Variants in MTG2 observed in about 807,000 individuals in gnomAD.
MTG2 encodes mitochondrial ribosome associated GTPase 2, also known as mitochondrial ribosome-associated GTPase 2.
In MTG2, 23 loss-of-function variants were observed where a neutral mutation model predicts 28.6. The observed-to-expected ratio is 0.80, with a 90% CI of 0.58 to 1.14. The LOEUF is 1.14. MTG2 is among the 50% of genes most tolerant of loss of function. The pLI is 0.00. For missense variants in MTG2, 539 were observed against 552.0 expected (o/e 0.98, Z 0.24); for synonymous variants, 260 against 251.8 (o/e 1.03, Z -0.31).
At chr20:62,183,977 G>A (rs1262584075) in intron 1 of MTG2, among the ~76,000 whole-genome samples, 1 of 152,220 alleles carries the variant, frequency 6.6e-6, no homozygotes, top group African/African-American at 2.4e-5. Context: ...GGAGGCCAGA[G>A]GATACTATGT....
chr20:62,193,982 G>A (rs1199153705), intron 2 of MTG2: 2 of 184,974 alleles, frequency 1.1e-5, no homozygotes, highest in African/African-American at 4.8e-5. Context: ...GCTCATGCCT[G>A]TTATCCCAAC....
chr20:62,188,544 G>A (rs2057894891), intron 1 of MTG2, among the ~76,000 whole-genome samples: 1 of 121,240 alleles, frequency 8.2e-6, no homozygotes, highest in Non-Finnish European at 1.7e-5. Context: ...GTAGACACAA[G>A]GTCTCGCTAT....
chr20:62,185,172 G>A (rs913352686), intron 1 of MTG2, among the ~76,000 whole-genome samples: 2 of 152,018 alleles, frequency 1.3e-5, no homozygotes, highest in Non-Finnish European at 1.5e-5. Flanking sequence ...CCAGCAATTT[G>A]GGAGGCTGAG....
In MTG2 at chr20:62,193,516, C is replaced by T. The variant is rs778910109; in HGVS notation, c.96C>T (p.Ser32=). 5 of 1,614,048 alleles carry T rather than the reference C, an allele frequency of 3.1e-6. No individual in the cohort carries two copies. The Admixed American group carries it at 8.3e-5, about 27-fold the overall frequency. Residue 32 remains serine (S), a synonymous_variant, in exon 2 of 7, where the codon AGC becomes AGT. Coordinates refer to ENST00000370823, the MANE Select transcript of MTG2 (RefSeq NM_015666.4). ...ALSTWAGLKP[S]RLLPQRASPR... ...CCACATGGGCTGGCCTGAAGCCCAG[C>T]CGGCTACTGCCACAGCGGGCTTCTC... is the stretch of plus-strand genomic sequence containing the variant.
At chr20:62,189,749 T>G (rs1373830118) in intron 1 of MTG2, among the ~76,000 whole-genome samples, 1 of 143,112 alleles carries the variant, frequency 7.0e-6, no homozygotes, top group Admixed American at 7.3e-5. Context: ...CACTGCAACC[T>G]CCGCCTCCCC....
chr20:62,192,035 TG>T (rs2057970723), intron 1 of MTG2, among the ~76,000 whole-genome samples: 1 of 152,154 alleles, frequency 6.6e-6, no homozygotes, highest in Non-Finnish European at 1.5e-5. Context: ...ACCAAATGTG[TG>T]GGTTTTCCAC....
chr20:62,198,047 G>A (rs930348508), intron 4 of MTG2, 80 bp downstream of exon 4: 46 of 1,275,150 alleles, frequency 3.6e-5, no homozygotes, highest in South Asian at 6.1e-5. Flanking sequence ...TGTGACCCAC[G>A]GGGCCCCTGT....
At chr20:62,193,664 C>T (rs2058004873) in intron 2 of MTG2, 40 bp downstream of exon 2, 1 of 1,556,768 alleles carries the variant, frequency 6.4e-7, no homozygotes, top group Non-Finnish European at 8.7e-7. Context: ...CTGTCTCCTC[C>T]TCAGAAGGCA....
At chr20:62,191,666 C>G (rs761434716) in intron 1 of MTG2, among the ~76,000 whole-genome samples, 1 of 152,156 alleles carries the variant, frequency 6.6e-6, no homozygotes, top group East Asian at 1.9e-4. Flanking sequence ...GCTCTGGCCC[C>G]GTGTTGAGTT....
chr20:62,186,031 A>G (rs1043651178), intron 1 of MTG2, among the ~76,000 whole-genome samples: 1 of 152,080 alleles, frequency 6.6e-6, no homozygotes, highest in Admixed American at 6.6e-5. Context: ...TGCAGGTTCC[A>G]TGTCACCTGC....
intron 3 of MTG2, chr20:62,197,627 T>C (rs1262194197): frequency 5.9e-6 from 3 of 506,644 alleles, no homozygotes; most frequent in East Asian, 3.6e-5. Context: ...ACAGCTACTG[T>C]AAAAAATAAG....
At chr20:62,184,673 G>T (rs2057804136) in intron 1 of MTG2, among the ~76,000 whole-genome samples, 1 of 152,224 alleles carries the variant, frequency 6.6e-6, no homozygotes, top group African/African-American at 2.4e-5. Flanking sequence ...CCAGGTCCCA[G>T]TAGGTTTTCC....
intron 1 of MTG2, among the ~76,000 whole-genome samples, chr20:62,188,113 A>G (rs2057883998): frequency 6.9e-6 from 1 of 144,750 alleles, no homozygotes; most frequent in Middle Eastern, 3.5e-3. Flanking sequence ...CCTGGGCGAC[A>G]GTGCGAGACT....
At chr20:62,184,258 T>A (rs1401282976) in intron 1 of MTG2, among the ~76,000 whole-genome samples, 2 of 151,846 alleles carry the variant, frequency 1.3e-5, no homozygotes, top group Admixed American at 6.6e-5. Flanking sequence ...CTGGGGAGGC[T>A]GAGGCAGGAG....
At chr20:62,190,103 A>G (rs1475995686) in intron 1 of MTG2, among the ~76,000 whole-genome samples, 1 of 151,958 alleles carries the variant, frequency 6.6e-6, no homozygotes, top group Non-Finnish European at 1.5e-5. Context: ...CATTTCATTT[A>G]TCTGTTGGCT....
intron 6 of MTG2, among the ~76,000 whole-genome samples, chr20:62,199,718 G>A (rs867560158): frequency 9.0e-5 from 11 of 122,902 alleles, no homozygotes; most frequent in Admixed American, 1.8e-4. Context: ...TTTTTGAGAC[G>A]GAGTCTCACT....
intron 1 of MTG2, among the ~76,000 whole-genome samples, chr20:62,191,027 C>T (rs2057948209): frequency 6.6e-6 from 1 of 152,078 alleles, no homozygotes; most frequent in Admixed American, 6.5e-5. Context: ...GGTTGAGCAG[C>T]TCCATAAATA....
intron 6 of MTG2, chr20:62,200,337 A>G (rs1315448367): frequency 4.6e-6 from 1 of 217,738 alleles, no homozygotes; most frequent in African/African-American, 2.3e-5. Context: ...TCAGTAATCA[A>G]ATGATTAGTA....
chr20:62,187,854 C>T (rs2057878298), intron 1 of MTG2, among the ~76,000 whole-genome samples: 1 of 152,182 alleles, frequency 6.6e-6, no homozygotes, highest in Admixed American at 6.5e-5. Context: ...TCGACGCTTA[C>T]TTTGCTCTTT....
Sources: allele counts gnomAD v4.1 joint callset (sites outside exome capture counted in the v4.1 genomes callset), GRCh38; gene constraint gnomAD v4.1.1; transcripts MANE v1.5; gene names NCBI Gene and HGNC (gene_info 2026-07-23, HGNC 2026-07-21).